Variants in PAPPA observed in about 807,000 individuals in gnomAD.
The protein encoded by PAPPA is pappalysin 1, also known as pappalysin-1.
A neutral mutation model predicts 164.0 loss-of-function variants in PAPPA; 60 were observed. The ratio of observed to expected loss-of-function variants is 0.37; its 90% confidence interval spans 0.30 to 0.45. PAPPA has a LOEUF of 0.45. Among genes scored for constraint, PAPPA ranks in the 20% least tolerant of loss-of-function variants. The probability of loss-of-function intolerance (pLI) is 1.00; values close to 1 mark genes in which losing one functional copy is unlikely to be tolerated. For synonymous variants in PAPPA, 875 were observed against 814.1 expected (o/e 1.07, Z -1.27); for missense variants, 1,782 against 2,087.3 (o/e 0.85, Z 2.85).
At chr9:116,211,294 G>T (rs1353571005) in intron 3 of PAPPA, among the ~76,000 whole-genome samples, 1 of 152,228 alleles carries the variant, frequency 6.6e-6, no homozygotes, top group Non-Finnish European at 1.5e-5. Context: ...TAAGGGAAAG[G>T]TTGCAGCAGA....
chr9:116,362,838 G>A lies in PAPPA; in HGVS notation c.4495+99G>A, dbSNP rs986468086. The A allele has an allele frequency of 2.6e-6, 3 of 1,164,302 alleles. No individual in the cohort carries two copies. In the African/African-American group the frequency reaches 4.6e-5, roughly 18 times the overall value. The allele number at this position is 1,164,302 out of a possible 1,614,324, so 72.1% of individuals were successfully genotyped here. On this transcript the variant is annotated intron_variant, in intron 18 of 21. Coordinates refer to ENST00000328252, the MANE Select transcript of PAPPA (RefSeq NM_002581.5). ...GTCATTGAACACCCTGGCCACATGA[G>A]TTCCTGCGTAGGCACTACAGAAAGA... is the stretch of plus-strand genomic sequence containing the variant.
At chr9:116,341,379 A>G (rs1588011621) in intron 13 of PAPPA, among the ~76,000 whole-genome samples, 1 of 152,116 alleles carries the variant, frequency 6.6e-6, no homozygotes, top group East Asian at 1.9e-4. Flanking sequence ...TAGTCTACAA[A>G]CACACCAAGC....
intron 2 of PAPPA, 37 bp from the exon 3 acceptor site, chr9:116,207,419 G>T: frequency 8.3e-7 from 1 of 1,202,800 alleles, no homozygotes; most frequent in Middle Eastern, 2.5e-4. Flanking sequence ...ATCTTTTTGG[G>T]GGCATGATAA....
rs2118743718 is a variant in PAPPA, at chr9:116,235,253, T to G, written c.2348T>G (p.Leu783Arg). ...PACPEPQGCY[L>R]ELEFLYPLVP... The stretch of plus-strand genomic sequence containing the variant: ...TGCCCTGAGCCTCAAGGCTGCTACC[T>G]CGAGCTGGAGTTCCTCTACCCCTTG... The change falls in exon 7 of 22, where the codon CTC becomes CGC. Residue 783 changes from leucine (L) to arginine (R), a missense_variant. Physicochemically the swap from Leu to Arg is moderately radical, Grantham distance 102. This residue lies in a region of PAPPA where 1,324 missense variants were observed against 1,656.9 expected (regional missense o/e 0.80). Transcript: ENST00000328252. The G allele has an allele frequency of 6.2e-7, 1 of 1,614,124 alleles. No individual in the cohort carries two copies. The highest frequency in any genetic ancestry group is 1.6e-4 in the Middle Eastern group (1 of 6,062).
At chr9:116,321,006 T>C (rs1194541310) in intron 10 of PAPPA, among the ~76,000 whole-genome samples, 3 of 152,010 alleles carry the variant, frequency 2.0e-5, no homozygotes, top group Non-Finnish European at 4.4e-5. Flanking sequence ...AGATGAGACA[T>C]GTAAAGTGGT....
At position 116,175,583 on chromosome 9, in the gene PAPPA, CA is replaced by C. The variant is rs573975511; in HGVS notation, c.416-11568del. ...GCTTGTTTGAAACCAAAACTCCCCC[CA>C]AATTAGGTTTCCTCACAAGCCTTGG... On this transcript the variant is annotated intron_variant, in intron 1 of 21. Coordinates refer to ENST00000328252, the MANE Select transcript of PAPPA (RefSeq NM_002581.5). 1.9e-4 allele frequency among the ~76,000 whole-genome samples: 29 copies of C among 152,252 alleles called. No individual in the cohort carries two copies. In the South Asian group the frequency reaches 6.0e-3, roughly 32 times the overall value.
intron 10 of PAPPA, among the ~76,000 whole-genome samples, chr9:116,326,494 CA>C (rs1433541723): frequency 6.6e-6 from 1 of 152,114 alleles, no homozygotes; most frequent in Non-Finnish European, 1.5e-5. Context: ...ACCAGGGGTT[CA>C]AAGAGTCAAA....
chr9:116,337,390 A>G (rs1185300793), intron 13 of PAPPA, among the ~76,000 whole-genome samples: 4 of 152,232 alleles, frequency 2.6e-5, no homozygotes, highest in Admixed American at 6.5e-5. Context: ...CTCTGCAAAC[A>G]TGCAAATGCA....
intron 9 of PAPPA, chr9:116,286,570 C>T (rs1051521946): frequency 6.6e-6 from 1 of 152,144 alleles, no homozygotes; most frequent in East Asian, 1.9e-4. Flanking sequence ...CATCTCGCCT[C>T]GTAAATTTCC....
intron 13 of PAPPA, among the ~76,000 whole-genome samples, chr9:116,335,664 T>C (rs1846052215): frequency 1.3e-5 from 2 of 152,186 alleles, no homozygotes; most frequent in Admixed American, 6.5e-5. Flanking sequence ...TTAATGCACC[T>C]AGTTTGGAGC....
At chr9:116,258,382 T>G (rs1587975637) in intron 7 of PAPPA, among the ~76,000 whole-genome samples, 1 of 152,184 alleles carries the variant, frequency 6.6e-6, no homozygotes, top group East Asian at 2.0e-4. Flanking sequence ...TGAGGCTGGG[T>G]GGCATGGCTC....
At chr9:116,220,154 A>T in intron 5 of PAPPA, 25 bp downstream of exon 5, 1 of 1,554,146 alleles carries the variant, frequency 6.4e-7, no homozygotes, top group Non-Finnish European at 8.8e-7. Flanking sequence ...TGTAGTGTTG[A>T]TCCCTCTCTC....
At position 116,352,793 on chromosome 9, in the gene PAPPA, C is replaced by A; in HGVS notation, c.4052C>A (p.Pro1351His). The A allele has an allele frequency of 1.9e-6, 3 of 1,614,058 alleles. No individual in the cohort carries two copies. The highest frequency in any genetic ancestry group is 1.3e-5 in the African/African-American group (1 of 75,046). Residue 1351 changes from proline to histidine, a missense_variant, in exon 16 of 22, where the codon CCT (proline) becomes CAT (histidine). Pro to His is a moderately conservative substitution (Grantham distance 77, BLOSUM62 -2). This residue lies in a region of PAPPA where 1,324 missense variants were observed against 1,656.9 expected (regional missense o/e 0.80). Coordinates refer to ENST00000328252, the MANE Select transcript of PAPPA (RefSeq NM_002581.5). ...LCELMCLAPP[P>H]VPNADLQTAR... ...GAGCTCATGTGCCTCGCTCCACCCC[C>A]TGTGCCCAATGCAGACCTCCAGACC...
chr9:116,157,389 A>G (rs1021564528), intron 1 of PAPPA, among the ~76,000 whole-genome samples: 1 of 152,250 alleles, frequency 6.6e-6, no homozygotes, highest in African/African-American at 2.4e-5. Flanking sequence ...GGAGAAAAAT[A>G]TATATACTAA....
chr9:116,173,580 C>A (rs1275723472), intron 1 of PAPPA, among the ~76,000 whole-genome samples: 2 of 152,210 alleles, frequency 1.3e-5, no homozygotes, highest in Admixed American at 1.3e-4. Context: ...CTCAGACAGC[C>A]ATTGTACTTC....
At chr9:116,263,134 G>A (rs938353025) in intron 7 of PAPPA, among the ~76,000 whole-genome samples, 6 of 152,118 alleles carry the variant, frequency 3.9e-5, no homozygotes, top group African/African-American at 1.2e-4. Flanking sequence ...TAAGCTTCTG[G>A]AAAACAATGA....
At chr9:116,189,755 G>A (rs1471546598) in intron 2 of PAPPA, among the ~76,000 whole-genome samples, 1 of 152,196 alleles carries the variant, frequency 6.6e-6, no homozygotes, top group Non-Finnish European at 1.5e-5. Context: ...CTTGCTGATG[G>A]CTCGAGCACA....
intron 9 of PAPPA, among the ~76,000 whole-genome samples, chr9:116,288,370 G>C (rs1178375475): frequency 1.3e-5 from 2 of 151,758 alleles, no homozygotes; most frequent in African/African-American, 2.4e-5. Context: ...TCAAGCCCAG[G>C]TGTCAAAAAA....
At chr9:116,291,789 A>G (rs981050352) in intron 9 of PAPPA, among the ~76,000 whole-genome samples, 1 of 151,816 alleles carries the variant, frequency 6.6e-6, no homozygotes, top group African/African-American at 2.4e-5. Context: ...GTTGTATGGG[A>G]GCAGGGAACA....
Sources: allele counts gnomAD v4.1 joint callset (sites outside exome capture counted in the v4.1 genomes callset), GRCh38; gene constraint gnomAD v4.1.1; regional missense constraint gnomAD v4.1.1; transcripts MANE v1.5; gene names NCBI Gene and HGNC (gene_info 2026-07-23, HGNC 2026-07-21).